The following RPS6KC1 variants were observed in gnomAD, a reference collection of about 807,000 sequenced individuals.
RPS6KC1 encodes the protein inactive ribosomal protein S6 kinase delta-1.
A neutral mutation model predicts 103.8 loss-of-function variants in RPS6KC1; 54 were observed. The ratio of observed to expected loss-of-function variants is 0.52; its 90% CI spans 0.42 to 0.65. The LOEUF (loss-of-function observed/expected upper bound fraction) is 0.65, where lower values mean the gene tolerates loss of function less well. RPS6KC1 is among the 30% of genes least tolerant of loss of function. The pLI is 0.00. For missense variants in RPS6KC1, 1,151 were observed against 1,253.8 expected, an observed-to-expected ratio of 0.92 and a Z score of 1.24; for synonymous variants, 439 against 438.7, an observed-to-expected ratio of 1.00 and a Z score of -0.01.
At chr1:213,589,499 A>G in the RPS6KC1 span, among the ~76,000 whole-genome samples, 1 of 152,068 alleles carries the variant, frequency 6.6e-6, no homozygotes, top group African/African-American at 2.4e-5. Flanking sequence ...AATATTAGCC[A>G]GGCGTGGTGG....
At chr1:213,215,140 G>C (rs888022417) in intron 8 of RPS6KC1, among the ~76,000 whole-genome samples, 1 of 152,166 alleles carries the variant, frequency 6.6e-6, no homozygotes, top group African/African-American at 2.4e-5. Flanking sequence ...AAAAAGATTA[G>C]ACGAATGGCT....
chr1:213,205,640 T>C (rs1463798188), intron 8 of RPS6KC1, among the ~76,000 whole-genome samples: 1 of 148,546 alleles, frequency 6.7e-6, no homozygotes, highest in Admixed American at 6.7e-5. Context: ...ATTAATGATA[T>C]CATCTTAAGG....
the RPS6KC1 span, among the ~76,000 whole-genome samples, chr1:213,418,118 T>C: frequency 6.6e-6 from 1 of 152,178 alleles, no homozygotes; most frequent in Non-Finnish European, 1.5e-5. Context: ...AGAAACGTGA[T>C]TGTGACCTTG....
intron 8 of RPS6KC1, among the ~76,000 whole-genome samples, chr1:213,224,407 A>G (rs557585787): frequency 6.6e-6 from 1 of 152,278 alleles, no homozygotes; most frequent in African/African-American, 2.4e-5. Context: ...TATTTCATGT[A>G]TTAGTATGGG....
chr1:213,311,208 C>T, the RPS6KC1 span, among the ~76,000 whole-genome samples: 162 of 151,704 alleles, frequency 1.1e-3, no homozygotes, highest in African/African-American at 3.4e-3. Flanking sequence ...ACGCCATCTC[C>T]GCTCACTGCA....
At chr1:213,104,990 T>C (rs1187126577) in intron 4 of RPS6KC1, among the ~76,000 whole-genome samples, 1 of 152,154 alleles carries the variant, frequency 6.6e-6, no homozygotes, top group African/African-American at 2.4e-5. Flanking sequence ...CATAAAACTC[T>C]AGTACTTACC....
chr1:213,436,796 T>C, the RPS6KC1 span, among the ~76,000 whole-genome samples: 1 of 152,190 alleles, frequency 6.6e-6, no homozygotes, highest in Non-Finnish European at 1.5e-5. Flanking sequence ...TTTTCAAAAT[T>C]TCATTTTCTA....
At chr1:213,337,698 A>C in the RPS6KC1 span, among the ~76,000 whole-genome samples, 3 of 152,262 alleles carry the variant, frequency 2.0e-5, no homozygotes, top group South Asian at 6.2e-4. Context: ...GGTATATTGT[A>C]TACATCCACT....
At chr1:213,541,218 A>T in the RPS6KC1 span, among the ~76,000 whole-genome samples, 1 of 151,308 alleles carries the variant, frequency 6.6e-6, no homozygotes, top group Non-Finnish European at 1.5e-5. Flanking sequence ...CAGAAGGCAC[A>T]CAACATTTCG....
At chr1:213,704,163 G>A in the RPS6KC1 span, among the ~76,000 whole-genome samples, 10 of 151,740 alleles carry the variant, frequency 6.6e-5, no homozygotes, top group South Asian at 1.5e-3. Flanking sequence ...CGAGGCGGGC[G>A]GATCACGAGG....
chr1:213,207,649 G>A (rs115204155), intron 8 of RPS6KC1, among the ~76,000 whole-genome samples: 1,758 of 151,982 alleles, frequency 0.012, 34 homozygotes, highest in African/African-American at 0.04. Flanking sequence ...GCACATGTGC[G>A]TGTTTATAAA....
At position 213,183,358 on chromosome 1, in the gene RPS6KC1, A is replaced by G. The variant is rs573443741; in HGVS notation, c.1044+6866A>G. ...ACACTCTACCTAAGAACAGCAGACTACACATTCTTTTGCAGTGCCCATGGA... is the reference window on the plus strand; with the variant it reads ...ACACTCTACCTAAGAACAGCAGACTGCACATTCTTTTGCAGTGCCCATGGA... On this transcript the variant is annotated intron_variant, in intron 8 of 14. Coordinates refer to ENST00000366960, the MANE Select transcript of RPS6KC1 (RefSeq NM_012424.6). 3.1e-4 allele frequency among the ~76,000 whole-genome samples: 47 copies of G among 152,292 alleles called. No homozygotes were observed. The South Asian group carries it at 9.7e-3, about 32-fold the overall frequency.
At chr1:213,131,388 G>C (rs2085592325) in intron 6 of RPS6KC1, among the ~76,000 whole-genome samples, 1 of 151,084 alleles carries the variant, frequency 6.6e-6, no homozygotes, top group African/African-American at 2.4e-5. Flanking sequence ...TTGTTTTCTT[G>C]CTTTGATGGA....
chr1:213,560,655 G>A, the RPS6KC1 span, among the ~76,000 whole-genome samples: 8 of 152,134 alleles, frequency 5.3e-5, no homozygotes, highest in Non-Finnish European at 8.8e-5. Context: ...CCTTGTGACC[G>A]ACAGAACTAT....
At chr1:213,724,445 C>A in the RPS6KC1 span, among the ~76,000 whole-genome samples, 1 of 152,188 alleles carries the variant, frequency 6.6e-6, no homozygotes, top group Non-Finnish European at 1.5e-5. Context: ...CCTCCCTATC[C>A]TGGTCACTTG....
At chr1:213,093,560 A>G (rs2081182717) in intron 3 of RPS6KC1, among the ~76,000 whole-genome samples, 1 of 152,168 alleles carries the variant, frequency 6.6e-6, no homozygotes. Context: ...AAACTTCAGC[A>G]GCAAAGGAGT....
the RPS6KC1 span, among the ~76,000 whole-genome samples, chr1:213,460,790 C>T: frequency 1.3e-5 from 2 of 152,080 alleles, no homozygotes; most frequent in African/African-American, 4.8e-5. Flanking sequence ...CTGGTGGTGA[C>T]AGAAATCTCT....
chr1:213,590,545 C>A, the RPS6KC1 span, among the ~76,000 whole-genome samples: 628 of 152,208 alleles, frequency 4.1e-3, 2 homozygotes, highest in Middle Eastern at 0.02. Flanking sequence ...CAGCTGAGGC[C>A]TCAGAGGACA....
At chr1:213,096,932 A>T (rs930993919) in intron 3 of RPS6KC1, among the ~76,000 whole-genome samples, 1 of 152,216 alleles carries the variant, frequency 6.6e-6, no homozygotes, top group African/African-American at 2.4e-5. Flanking sequence ...GATTGAAAGT[A>T]CAAAATTACT....
Sources: gnomAD v4.1 joint callset for allele counts (sites outside exome capture counted in the v4.1 genomes callset) on GRCh38, gnomAD v4.1.1 for gene constraint, MANE v1.5 for transcripts, NCBI Gene and HGNC (gene_info 2026-07-23, HGNC 2026-07-21) for gene names.